AGAP1: variants seen among roughly 807,000 people sequenced by gnomAD.
AGAP1 encodes arf-GAP with GTPase, ANK repeat and PH domain-containing protein 1.
In AGAP1, 29 loss-of-function variants were observed where a neutral mutation model predicts 105.3. The observed-to-expected ratio is 0.28, with a 90% CI of 0.21 to 0.38. AGAP1 has a LOEUF of 0.38. AGAP1 is among the 10% of genes least tolerant of loss of function. AGAP1 has a pLI of 1.00. For synonymous variants in AGAP1, 509 were observed against 485.9 expected (o/e 1.05, Z -0.63); for missense variants, 998 against 1,165.1 (o/e 0.86, Z 2.09).
chr2:235,763,899 G>A lies in AGAP1; in HGVS notation c.673+13411G>A, dbSNP rs140779153. ...GTCCTTGCTGCTCTTACAGATGCGC[G>A]CTTTTGGGGTCATCAGGCGGTTGCA... On this transcript the variant is annotated intron_variant, in intron 6 of 17. Transcript: ENST00000304032. 2.5e-3 allele frequency among the ~76,000 whole-genome samples: 374 copies of A among 152,316 alleles called. 1 individual carries two copies. The highest frequency in any genetic ancestry group is 8.4e-3 in the African/African-American group (351 of 41,574).
At chr2:235,568,755 T>G (rs369537774) in intron 1 of AGAP1, among the ~76,000 whole-genome samples, 4 of 152,184 alleles carry the variant, frequency 2.6e-5, no homozygotes, top group South Asian at 4.1e-4. Context: ...TTCTAGAGGG[T>G]GCAGGGAGAA....
At chr2:235,735,209 T>C (rs189616298) in intron 3 of AGAP1, among the ~76,000 whole-genome samples, 2 of 152,368 alleles carry the variant, frequency 1.3e-5, no homozygotes, top group East Asian at 1.9e-4. Context: ...CTTGGAGGAC[T>C]GTTAATGATA....
chr2:235,854,109 A>G (rs1484392332), intron 9 of AGAP1, among the ~76,000 whole-genome samples: 1 of 152,118 alleles, frequency 6.6e-6, no homozygotes, highest in Non-Finnish European at 1.5e-5. Context: ...TCAGCTAGAG[A>G]GAGTGGAGCC....
At chr2:235,628,526 G>A (rs1033511752) in intron 1 of AGAP1, among the ~76,000 whole-genome samples, 1 of 152,138 alleles carries the variant, frequency 6.6e-6, no homozygotes, top group African/African-American at 2.4e-5. Context: ...GGAAGTGCCC[G>A]GTTCTGGAAG....
rs1949625261 is a variant in AGAP1 at position 235,689,319 on chromosome 2, A to G, written c.164-19860A>G. Among the ~76,000 whole-genome samples the G allele has an allele frequency of 6.6e-6, 1 of 152,198 alleles. No individual in the cohort carries two copies. Among genetic ancestry groups the G allele is most frequent in the Non-Finnish European group, 1.5e-5 (1 of 68,036 alleles). ...TTGCCGTGTCCACAAGTCACTGCACAGCTCACCACGCGGGCCTGGAGTGAG... is the reference window on the plus strand; with the variant it reads ...TTGCCGTGTCCACAAGTCACTGCACGGCTCACCACGCGGGCCTGGAGTGAG... On this transcript the variant is annotated intron_variant, in intron 1 of 17. Coordinates refer to ENST00000304032, the MANE Select transcript of AGAP1 (RefSeq NM_001037131.3). The surrounding 1 kb of genome is among the most constrained non-coding windows in gnomAD (Gnocchi z 4.2).
intron 11 of AGAP1, among the ~76,000 whole-genome samples, chr2:235,921,074 T>C (rs989805156): frequency 2.6e-5 from 4 of 152,236 alleles, no homozygotes; most frequent in African/African-American, 7.2e-5. Context: ...ATCAGAAAGA[T>C]ATATTATGCT....
At chr2:235,798,300 C>T (rs1302722826) in intron 7 of AGAP1, among the ~76,000 whole-genome samples, 1 of 152,184 alleles carries the variant, frequency 6.6e-6, no homozygotes, top group Non-Finnish European at 1.5e-5. Flanking sequence ...CCTTAGGTCC[C>T]ATAGAAACTG....
intron 8 of AGAP1, among the ~76,000 whole-genome samples, chr2:235,802,706 A>ATGG (rs1473456013): frequency 1.2e-5 from 1 of 80,534 alleles, no homozygotes; most frequent in East Asian, 3.6e-4. Context: ...GATGGTTGTG[A>ATGG]TAATGATGGT....
chr2:235,532,215 T>C (rs1191488474), intron 1 of AGAP1, among the ~76,000 whole-genome samples: 1 of 152,224 alleles, frequency 6.6e-6, no homozygotes, highest in Non-Finnish European at 1.5e-5. Context: ...TTTCTACCTT[T>C]GTAGCTTTTT....
chr2:235,874,975 A>C lies in AGAP1; in HGVS notation c.1051-8370A>C, dbSNP rs115061691. ...ACCTCTTGTGAAGCGGAAGCAAACT[A>C]GAAACAGCTCTCCCAAACGTGGGCA... is the stretch of plus-strand genomic sequence containing the variant. On this transcript the variant is annotated intron_variant, in intron 9 of 17. Coordinates refer to ENST00000304032, the MANE Select transcript of AGAP1 (RefSeq NM_001037131.3). This position sits in a 1 kb window ranked among gnomAD's most constrained non-coding sequence, Gnocchi z 4.5. Among the ~76,000 whole-genome samples the C allele has an allele frequency of 6.6e-6, 1 of 152,210 alleles. No homozygotes were observed. The highest frequency in any genetic ancestry group is 1.5e-5 in the Non-Finnish European group (1 of 68,038).
Position 235,787,243 on chromosome 2 carries a change from A to T in AGAP1, c.674-10516A>T, listed in dbSNP as rs1048935852. ...CCAAACCATGTGGGTTTCCTATGTC[A>T]TGAAAGCTTTTCTTCATCACGTGCT... On this transcript the variant is annotated intron_variant, in intron 6 of 17. Coordinates refer to ENST00000304032, the MANE Select transcript of AGAP1 (RefSeq NM_001037131.3). The surrounding 1 kb of genome is among the most constrained non-coding windows in gnomAD (Gnocchi z 4.4). Among the ~76,000 whole-genome samples, 2 of 152,212 alleles carry T rather than the reference A, an allele frequency of 1.3e-5. No individual in the cohort carries two copies. The highest frequency in any genetic ancestry group is 4.8e-5 in the African/African-American group (2 of 41,454).
At position 235,957,557 on chromosome 2, in the gene AGAP1, A is replaced by G. The variant is rs1559693951; in HGVS notation, c.1484-10905A>G. ...TCTTCAGAGATGGGGAATTCAAGTC[A>G]ACCTCCTCCCGCTGAAAGCTCCCGT... On this transcript the variant is annotated intron_variant, in intron 12 of 17. Coordinates refer to ENST00000304032, the MANE Select transcript of AGAP1 (RefSeq NM_001037131.3). The surrounding 1 kb of genome is among the most constrained non-coding windows in gnomAD (Gnocchi z 4.6). Among the ~76,000 whole-genome samples the G allele has an allele frequency of 2.6e-5, 4 of 152,200 alleles. No homozygotes were observed. Among genetic ancestry groups the G allele is most frequent in the Non-Finnish European group, 5.9e-5 (4 of 68,036 alleles).
chr2:235,678,262 T>G (rs1948865870), intron 1 of AGAP1, among the ~76,000 whole-genome samples: 1 of 152,192 alleles, frequency 6.6e-6, no homozygotes, highest in Non-Finnish European at 1.5e-5. Flanking sequence ...TCTCCTGATC[T>G]GGTTCATGAA....
rs898749344 is a variant in AGAP1, at chr2:235,906,941, G to A, written c.1156-1797G>A. ...TGAGGCAGGAGAATCTCTTGAATCC[G>A]GAAGGCAGAGGTTACAGTGAGCTGA... On this transcript the variant is annotated intron_variant, in intron 10 of 17. Transcript: ENST00000304032. This position sits in a 1 kb window ranked among gnomAD's most constrained non-coding sequence, Gnocchi z 5.3. 7.2e-5 allele frequency among the ~76,000 whole-genome samples: 11 copies of A among 152,300 alleles called. No individual in the cohort carries two copies. Among genetic ancestry groups the A allele is most frequent in the Admixed American group, 5.2e-4 (8 of 15,308 alleles).
rs1162629425 is a variant in AGAP1, at chr2:235,705,627, TG to T, written c.164-3551del. 5.6e-4 allele frequency among the ~76,000 whole-genome samples: 85 copies of T among 152,354 alleles called. No homozygotes were observed. Among genetic ancestry groups the T allele is most frequent in the African/African-American group, 1.9e-3 (80 of 41,578 alleles). ...TGTTTTGTTAATTTTCGTTTAGCTT[TG>T]TATGAGGCAGCATTCCATTTTGACT... On this transcript the variant is annotated intron_variant, in intron 1 of 17. Transcript: ENST00000304032. This position sits in a 1 kb window ranked among gnomAD's most constrained non-coding sequence, Gnocchi z 4.9.
At chr2:235,913,174 A>G (rs2051701846) in intron 11 of AGAP1, among the ~76,000 whole-genome samples, 1 of 152,152 alleles carries the variant, frequency 6.6e-6, no homozygotes, top group Non-Finnish European at 1.5e-5. Context: ...AAAACCTTTC[A>G]TAATCTTGAA....
chr2:235,652,221 T>A (rs1947618480), intron 1 of AGAP1, among the ~76,000 whole-genome samples: 2 of 152,158 alleles, frequency 1.3e-5, no homozygotes, highest in Non-Finnish European at 2.9e-5. Flanking sequence ...TGTGTCCCTC[T>A]GGGAGCAGCC....
chr2:235,682,133 G>C (rs1000956024), intron 1 of AGAP1, among the ~76,000 whole-genome samples: 1 of 152,048 alleles, frequency 6.6e-6, no homozygotes, highest in African/African-American at 2.4e-5. Flanking sequence ...TTACAGGCGT[G>C]AGCCACCGTG....
chr2:235,928,298 T>C (rs1559657395), intron 11 of AGAP1, among the ~76,000 whole-genome samples: 1 of 152,094 alleles, frequency 6.6e-6, no homozygotes, highest in East Asian at 1.9e-4. Flanking sequence ...AAACGCACCT[T>C]CGATGGGTGG....
Sources: gnomAD v4.1 joint callset for allele counts (sites outside exome capture counted in the v4.1 genomes callset) on GRCh38, gnomAD v4.1.1 for gene constraint, Gnocchi (gnomAD v3.1) non-coding constraint, MANE v1.5 for transcripts, NCBI Gene and HGNC (gene_info 2026-07-23, HGNC 2026-07-21) for gene names.